ARHGEF33: variants seen among roughly 807,000 people sequenced by gnomAD.
ARHGEF33 encodes Rho guanine nucleotide exchange factor 33, also known as DH and coiled-coil domain-containing protein ENSP00000381780.
In ARHGEF33, 72 loss-of-function variants were observed where a neutral mutation model predicts 101.9. That is an observed-to-expected ratio of 0.71 (90% confidence interval 0.58 to 0.86). ARHGEF33 has a LOEUF of 0.86. ARHGEF33 is among the 40% of genes least tolerant of loss of function. ARHGEF33 has a pLI of 0.00. For missense variants in ARHGEF33, 1,169 were observed against 1,111.3 expected (o/e 1.05, Z -0.74); for synonymous variants, 499 against 442.5 (o/e 1.13, Z -1.60).
At chr2:38,942,005 A>AT (rs70954774) in intron 9 of ARHGEF33, among the ~76,000 whole-genome samples, 109 of 148,094 alleles carry the variant, frequency 7.4e-4, no homozygotes, top group East Asian at 5.2e-3. Flanking sequence ...ATGTCTTGGG[A>AT]TTTTTTTTTT....
At chr2:38,945,783 A>G (rs1291165414) in intron 10 of ARHGEF33, among the ~76,000 whole-genome samples, 1 of 152,248 alleles carries the variant, frequency 6.6e-6, no homozygotes, top group Admixed American at 6.5e-5. Context: ...GGAAGGGAGT[A>G]GTAAGCAGCT....
At chr2:38,945,954 C>G (rs893112976) in intron 10 of ARHGEF33, among the ~76,000 whole-genome samples, 1 of 152,192 alleles carries the variant, frequency 6.6e-6, no homozygotes, top group East Asian at 1.9e-4. Context: ...GTAGTGTGTG[C>G]TCTTATACAT....
At chr2:38,945,971 A>G (rs138441925) in intron 10 of ARHGEF33, among the ~76,000 whole-genome samples, 192 of 152,272 alleles carry the variant, frequency 1.3e-3, no homozygotes, top group African/African-American at 4.2e-3. Flanking sequence ...ACATCATACC[A>G]CTTCCCCAAA....
chr2:38,917,840 A>G (rs1666670038), intron 2 of ARHGEF33, among the ~76,000 whole-genome samples: 1 of 151,894 alleles, frequency 6.6e-6, no homozygotes, highest in African/African-American at 2.4e-5. Flanking sequence ...AAAAAAAAAA[A>G]AAAAAAAGTT....
intron 14 of ARHGEF33, among the ~76,000 whole-genome samples, chr2:38,957,299 A>G (rs947671515): frequency 6.6e-6 from 1 of 152,190 alleles, no homozygotes; most frequent in Non-Finnish European, 1.5e-5. Context: ...CATGTTGCTA[A>G]CCACCTCAAA....
chr2:38,909,005 A>G (rs1666453183), intron 2 of ARHGEF33, among the ~76,000 whole-genome samples: 1 of 152,226 alleles, frequency 6.6e-6, no homozygotes, highest in African/African-American at 2.4e-5. Context: ...GGTCACTTCC[A>G]TAAATATTTG....
At chr2:38,922,791 G>A (rs926391573) in intron 4 of ARHGEF33, among the ~76,000 whole-genome samples, 1 of 152,188 alleles carries the variant, frequency 6.6e-6, no homozygotes, top group African/African-American at 2.4e-5. Context: ...GGGAAGGGAT[G>A]AATTAGTATT....
intron 2 of ARHGEF33, among the ~76,000 whole-genome samples, chr2:38,901,796 A>C (rs941748941): frequency 1.3e-5 from 2 of 152,142 alleles, no homozygotes; most frequent in African/African-American, 4.8e-5. Flanking sequence ...TTCAAACTCA[A>C]ACTCTTCATT....
chr2:38,934,203 C>G (rs1355832820), intron 7 of ARHGEF33, among the ~76,000 whole-genome samples: 1 of 152,176 alleles, frequency 6.6e-6, no homozygotes, highest in Non-Finnish European at 1.5e-5. Flanking sequence ...TTGAAACATT[C>G]TCTTCTTTTG....
In ARHGEF33 at chr2:38,959,827, T is replaced by A; in HGVS notation, c.1536-14T>A. 1 of 1,532,496 alleles carries A rather than the reference T, an allele frequency of 6.5e-7. No individual in the cohort carries two copies. Among genetic ancestry groups the A allele is most frequent in the Non-Finnish European group, 8.8e-7 (1 of 1,135,648 alleles). The allele number at this position is 1,532,496 out of a possible 1,614,324, so 94.9% of individuals were successfully genotyped here. A position where few individuals can be genotyped will look rare whatever the true frequency, so the allele number is the denominator to read the frequency against. On this transcript the variant is annotated splice_polypyrimidine_tract_variant and intron_variant, in intron 15 of 17. Transcript: ENST00000409978. ...GTAAGCACAGCTCTTTTGTACTCTG[T>A]TTTCCCCCTAAAGACATCTGATGCC...
chr2:38,953,512 C>T (rs570779265), intron 12 of ARHGEF33, among the ~76,000 whole-genome samples: 1 of 152,314 alleles, frequency 6.6e-6, no homozygotes, highest in South Asian at 2.1e-4. Context: ...GCATTCTATG[C>T]AGAGATCTCC....
In ARHGEF33 at chr2:38,973,920, ATATATC is replaced by A. The variant is rs1439790170; in HGVS notation, c.*89_*94del. The A allele has an allele frequency of 9.4e-4, 914 of 967,272 alleles. No homozygotes were observed. Among genetic ancestry groups the A allele is most frequent in the Middle Eastern group, 2.6e-3 (9 of 3,496 alleles). 59.9% of individuals were successfully genotyped at this position (967,272 alleles called of 1,614,324 possible). The stretch of plus-strand genomic sequence containing the variant: ...TATATATCTGTGTAGGAATATATAT[ATATATC>A]TATATCTATATATATATATATATCG... On this transcript the variant is annotated 3_prime_UTR_variant, in exon 18 of 18. Transcript: ENST00000409978.
At chr2:38,941,293 C>G (rs551579042) in intron 9 of ARHGEF33, among the ~76,000 whole-genome samples, 2 of 152,278 alleles carry the variant, frequency 1.3e-5, no homozygotes, top group Non-Finnish European at 2.9e-5. Flanking sequence ...CCCAAAATCT[C>G]AGCCTATGCT....
chr2:38,966,537 AAAGT>A (rs1253594626), intron 17 of ARHGEF33, among the ~76,000 whole-genome samples: 1 of 152,130 alleles, frequency 6.6e-6, no homozygotes, highest in African/African-American at 2.4e-5. Context: ...CCATCTGTGG[AAAGT>A]TTTCTAAGGG....
chr2:38,948,327 C>A lies in ARHGEF33; in HGVS notation c.921-2662C>A, dbSNP rs190873941. ...CCGTTTTCAATGTTTCGTATAGAATCCACTGTAGGTCATTGTTTTTCATGT... is the reference window on the plus strand; with the variant it reads ...CCGTTTTCAATGTTTCGTATAGAATACACTGTAGGTCATTGTTTTTCATGT... On this transcript the variant is annotated intron_variant, in intron 10 of 17. Transcript: ENST00000409978. Among the ~76,000 whole-genome samples the A allele has an allele frequency of 1.2e-3, 186 of 152,312 alleles. 1 individual carries two copies. Among genetic ancestry groups the A allele is most frequent in the Admixed American group, 0.012 (184 of 15,292 alleles).
chr2:38,890,459 T>C (rs1472744502), intron 1 of ARHGEF33, among the ~76,000 whole-genome samples: 1 of 152,180 alleles, frequency 6.6e-6, no homozygotes, highest in Non-Finnish European at 1.5e-5. Flanking sequence ...CACTCCCCTA[T>C]GTACAGAACA....
chr2:38,937,325 A>G lies in ARHGEF33; in HGVS notation c.566-10A>G. 3.3e-6 allele frequency: 1 copy of G among 303,908 alleles called. No homozygotes were observed. The highest frequency in any genetic ancestry group is 5.8e-6 in the Non-Finnish European group (1 of 173,828). The allele number at this position is 303,908 out of a possible 1,614,324, so 18.8% of individuals were successfully genotyped here. Reference sequence around the variant, plus strand: ...TCTTTGTTTCCCCGCCCCTCCCCCCACCCCACCAGGAGTGAACCCAACAAC... The same window carrying G: ...TCTTTGTTTCCCCGCCCCTCCCCCCGCCCCACCAGGAGTGAACCCAACAAC... On this transcript the variant is annotated splice_polypyrimidine_tract_variant and intron_variant, in intron 8 of 17. Transcript: ENST00000409978.
At chr2:38,947,450 C>G (rs993272593) in intron 10 of ARHGEF33, among the ~76,000 whole-genome samples, 5 of 152,284 alleles carry the variant, frequency 3.3e-5, no homozygotes, top group Non-Finnish European at 7.4e-5. Flanking sequence ...GGTGCAGCGG[C>G]CCAGTCACAG....
Position 38,957,865 on chromosome 2 carries a change from G to C in ARHGEF33, c.1371-169G>C, listed in dbSNP as rs929620081. On this transcript the variant is annotated intron_variant, in intron 14 of 17. Transcript: ENST00000409978. ...TGAATCAGCTTCCCTAGTCCTGCCA[G>C]CTTGCACCCTATTAAGCAAAGCAAC... 23 of 751,042 alleles carry C rather than the reference G, an allele frequency of 3.1e-5. No individual in the cohort carries two copies. The African/African-American group carries it at 3.9e-4, about 13-fold the overall frequency. The allele number at this position is 751,042 out of a possible 1,614,324, so 46.5% of individuals were successfully genotyped here. A position where few individuals can be genotyped will look rare whatever the true frequency, so the allele number is the denominator to read the frequency against.
Sources: allele counts gnomAD v4.1 joint callset (sites outside exome capture counted in the v4.1 genomes callset), GRCh38; gene constraint gnomAD v4.1.1; transcripts MANE v1.5; gene names NCBI Gene and HGNC (gene_info 2026-07-23, HGNC 2026-07-21).